Variants in VMP1 observed in about 807,000 individuals in gnomAD.
VMP1 encodes the protein ectopic P-granules autophagy protein 3 homolog.
A neutral mutation model predicts 56.0 loss-of-function variants in VMP1; 11 were observed. The observed-to-expected ratio is 0.20, with a 90% CI of 0.12 to 0.32. The LOEUF (loss-of-function observed/expected upper bound fraction) is 0.32. Among genes scored for constraint, VMP1 ranks in the 10% least tolerant of loss-of-function variants. VMP1 has a pLI of 1.00. For synonymous variants in VMP1, 149 were observed against 165.0 expected, an observed-to-expected ratio of 0.90 and a Z score of 0.74; for missense variants, 296 against 490.3, an observed-to-expected ratio of 0.60 and a Z score of 3.74.
chr17:59,718,400 G>A (rs1411690723), intron 1 of VMP1, among the ~76,000 whole-genome samples: 1 of 151,612 alleles, frequency 6.6e-6, no homozygotes, highest in Non-Finnish European at 1.5e-5. Context: ...GTTTCACCAT[G>A]TTAGCCAGGA....
chr17:59,837,045 C>CA (rs749726713), intron 10 of VMP1, among the ~76,000 whole-genome samples: 184 of 149,200 alleles, frequency 1.2e-3, no homozygotes, highest in East Asian at 1.6e-3. Context: ...ACTAAAAATA[C>CA]AAAAAAAAAT....
chr17:59,805,937 C>T (rs1183316593), intron 7 of VMP1, among the ~76,000 whole-genome samples: 1 of 152,062 alleles, frequency 6.6e-6, no homozygotes, highest in Non-Finnish European at 1.5e-5. Context: ...TCTTCCCTCT[C>T]TTAAAAGTGG....
At chr17:59,794,192 T>A (rs2037346887) in intron 7 of VMP1, among the ~76,000 whole-genome samples, 1 of 146,612 alleles carries the variant, frequency 6.8e-6, no homozygotes, top group Non-Finnish European at 1.5e-5. Context: ...AGTGCTGGGA[T>A]TACAGGTGTG....
chr17:59,819,597 G>A (rs924179556), intron 10 of VMP1, among the ~76,000 whole-genome samples: 1 of 152,126 alleles, frequency 6.6e-6, no homozygotes, highest in African/African-American at 2.4e-5. Context: ...GGGATTACAG[G>A]TGTACGCCAC....
chr17:59,743,243 C>T (rs929341714), intron 5 of VMP1, among the ~76,000 whole-genome samples: 9 of 152,112 alleles, frequency 5.9e-5, no homozygotes, highest in Non-Finnish European at 1.2e-4. Context: ...CCCTGTGCTT[C>T]ACCTGTTTTT....
At chr17:59,717,670 A>G (rs1026620003) in intron 1 of VMP1, among the ~76,000 whole-genome samples, 1 of 152,184 alleles carries the variant, frequency 6.6e-6, no homozygotes, top group Non-Finnish European at 1.5e-5. Flanking sequence ...CTGTAATCCC[A>G]GCACTTTGGG....
chr17:59,789,426 TC>T (rs1297827541), intron 7 of VMP1, among the ~76,000 whole-genome samples: 1 of 151,738 alleles, frequency 6.6e-6, no homozygotes, highest in African/African-American at 2.4e-5. Context: ...TCCCAATTAC[TC>T]GGGAGACTGA....
At chr17:59,809,260 G>A (rs2037958587) in intron 8 of VMP1, among the ~76,000 whole-genome samples, 1 of 145,626 alleles carries the variant, frequency 6.9e-6, no homozygotes, top group Non-Finnish European at 1.5e-5. Flanking sequence ...GCCTCCCAAA[G>A]TGCTGGGATT....
chr17:59,837,213 A>G (rs2039010882), intron 10 of VMP1, among the ~76,000 whole-genome samples: 1 of 152,022 alleles, frequency 6.6e-6, no homozygotes. Flanking sequence ...AAAAAAAAAA[A>G]AGTGAAGTGA....
chr17:59,836,438 T>C (rs1353258444), intron 10 of VMP1, among the ~76,000 whole-genome samples: 1 of 151,946 alleles, frequency 6.6e-6, no homozygotes, highest in African/African-American at 2.4e-5. Context: ...GCTCAAGCCA[T>C]CCTCCCATCT....
At chr17:59,826,270 CAGG>C (rs1418910278) in intron 10 of VMP1, among the ~76,000 whole-genome samples, 1 of 152,158 alleles carries the variant, frequency 6.6e-6, no homozygotes, top group Admixed American at 6.6e-5. Flanking sequence ...AAGGTTAAAA[CAGG>C]AGTTCTGGAG....
At chr17:59,786,662 T>C (rs746563788) in intron 7 of VMP1, among the ~76,000 whole-genome samples, 1 of 152,160 alleles carries the variant, frequency 6.6e-6, no homozygotes, top group Non-Finnish European at 1.5e-5. Context: ...AGTAAACTGT[T>C]TGAGCAGGAG....
intron 1 of VMP1, among the ~76,000 whole-genome samples, chr17:59,718,675 T>TTTTG (rs1306804052): frequency 2.0e-5 from 3 of 151,914 alleles, no homozygotes; most frequent in East Asian, 1.9e-4. Context: ...GGCTAATTGT[T>TTTTG]TTTGTTTGTT....
chr17:59,817,282 C>CA (rs1209080230), intron 9 of VMP1, among the ~76,000 whole-genome samples: 794 of 59,918 alleles, frequency 0.013, 13 homozygotes, highest in African/African-American at 0.018. Context: ...AACTCTGTCT[C>CA]AAAAAAAAAA....
chr17:59,783,769 G>A (rs2036907668), intron 7 of VMP1, among the ~76,000 whole-genome samples: 5 of 152,000 alleles, frequency 3.3e-5, no homozygotes. Flanking sequence ...TCCCGCTACT[G>A]TTTCAGGCCT....
At chr17:59,720,988 A>G (rs1259793097) in intron 1 of VMP1, among the ~76,000 whole-genome samples, 1 of 151,230 alleles carries the variant, frequency 6.6e-6, no homozygotes, top group Non-Finnish European at 1.5e-5. Context: ...AAAAAAAATT[A>G]TCTTAAAGTA....
chr17:59,767,160 C>T (rs2036262984), intron 6 of VMP1, among the ~76,000 whole-genome samples: 1 of 150,530 alleles, frequency 6.6e-6, no homozygotes, highest in Non-Finnish European at 1.5e-5. Context: ...TTGTTATGTT[C>T]CTGTAATTTT....
intron 7 of VMP1, 128 bp downstream of exon 7, chr17:59,774,013 T>G (rs1185795490): frequency 3.0e-6 from 3 of 993,552 alleles, no homozygotes; most frequent in Non-Finnish European, 2.7e-6. Flanking sequence ...GAAAGAAAAA[T>G]ATTGCTTGAG....
chr17:59,793,872 G>T (rs1277823210), intron 7 of VMP1, among the ~76,000 whole-genome samples: 5 of 151,570 alleles, frequency 3.3e-5, no homozygotes, highest in African/African-American at 9.7e-5. Flanking sequence ...TGATCCGCCT[G>T]CCTCGGCCTC....
Sources: allele counts gnomAD v4.1 joint callset (sites outside exome capture counted in the v4.1 genomes callset), GRCh38; gene constraint gnomAD v4.1.1; transcripts MANE v1.5; gene names NCBI Gene and HGNC (gene_info 2026-07-23, HGNC 2026-07-21).